Variants in GPC6 observed in about 807,000 individuals in gnomAD.
GPC6 encodes the protein glypican-6.
In GPC6, 14 loss-of-function variants were observed where a neutral mutation model predicts 55.2. That is an observed-to-expected ratio of 0.25 (90% confidence interval 0.17 to 0.40). The LOEUF is 0.40. Among genes scored for constraint, GPC6 ranks in the 10% least tolerant of loss-of-function variants. The pLI is 1.00. For missense variants in GPC6, 641 were observed against 708.5 expected (o/e 0.90, Z 1.08); for synonymous variants, 278 against 259.6 (o/e 1.07, Z -0.68).
chr13:93,332,823 A>G (rs1022166685), intron 1 of GPC6, among the ~76,000 whole-genome samples: 10 of 152,106 alleles, frequency 6.6e-5, no homozygotes, highest in African/African-American at 2.2e-4. Context: ...CGGTAGCTTC[A>G]TAGTTTCAGG....
intron 4 of GPC6, among the ~76,000 whole-genome samples, chr13:94,156,122 A>G (rs1416798635): frequency 6.6e-6 from 1 of 152,204 alleles, no homozygotes; most frequent in Non-Finnish European, 1.5e-5. Flanking sequence ...CATACTTCAG[A>G]AAAACGGGAT....
rs755567985 is a variant in GPC6 at position 93,966,413 on chromosome 13, A to G, written c.712-61316A>G. Reference sequence around the variant, plus strand: ...AGGGTAGACTTTTCTTTTGCTTCATATGGGCTACCAGACCTCTGCTTTTGA... The same window carrying G: ...AGGGTAGACTTTTCTTTTGCTTCATGTGGGCTACCAGACCTCTGCTTTTGA... On this transcript the variant is annotated intron_variant, in intron 3 of 8. Transcript: ENST00000377047. Among the ~76,000 whole-genome samples the G allele has an allele frequency of 5.9e-5, 9 of 152,278 alleles. No individual in the cohort carries two copies. The South Asian group carries it at 6.2e-4, about 11-fold the overall frequency.
intron 2 of GPC6, among the ~76,000 whole-genome samples, chr13:93,767,485 AG>A (rs1885159983): frequency 6.6e-6 from 1 of 152,200 alleles, no homozygotes; most frequent in South Asian, 2.1e-4. Flanking sequence ...AATCCTTATC[AG>A]TCAGAAAATT....
At chr13:94,275,310 G>T (rs1336310500) in intron 4 of GPC6, among the ~76,000 whole-genome samples, 1 of 152,160 alleles carries the variant, frequency 6.6e-6, no homozygotes, top group Non-Finnish European at 1.5e-5. Context: ...GAGTGACTAG[G>T]AGTTGTAGGG....
intron 1 of GPC6, among the ~76,000 whole-genome samples, chr13:93,357,750 G>A (rs142574546): frequency 1.3e-5 from 2 of 152,250 alleles, no homozygotes; most frequent in African/African-American, 4.8e-5. Context: ...CTGGAGGATC[G>A]CTTGAGTCCA....
chr13:94,185,258 GAAAAAAAAAA>G (rs759584811), intron 4 of GPC6, among the ~76,000 whole-genome samples: 1 of 56,500 alleles, frequency 1.8e-5, no homozygotes, highest in Non-Finnish European at 3.7e-5. Flanking sequence ...AATAAAAGTT[GAAAAAAAAAA>G]AAAAAAAGAA....
chr13:94,073,828 T>TAAC (rs1428645603), intron 4 of GPC6, among the ~76,000 whole-genome samples: 1 of 152,080 alleles, frequency 6.6e-6, no homozygotes, highest in Non-Finnish European at 1.5e-5. Context: ...TGTTTAACTT[T>TAAC]AACAACAACA....
intron 2 of GPC6, among the ~76,000 whole-genome samples, chr13:93,741,129 T>A (rs2138849287): frequency 7.0e-6 from 1 of 143,638 alleles, no homozygotes; most frequent in Admixed American, 7.0e-5. Flanking sequence ...TTTTTTTTTT[T>A]TTTTTTTTTT....
At chr13:93,513,875 G>GATT (rs1242143791) in intron 1 of GPC6, among the ~76,000 whole-genome samples, 1 of 92,818 alleles carries the variant, frequency 1.1e-5, no homozygotes, top group Admixed American at 1.2e-4. Flanking sequence ...CTGAATGATG[G>GATT]CTTTTTTTTT....
chr13:94,260,601 C>T (rs569439454), intron 4 of GPC6, among the ~76,000 whole-genome samples: 71 of 152,200 alleles, frequency 4.7e-4, no homozygotes, highest in African/African-American at 1.6e-3. Flanking sequence ...TTTAATCAGC[C>T]CTTTGAAGAC....
At chr13:93,669,489 G>A (rs1319630153) in intron 2 of GPC6, among the ~76,000 whole-genome samples, 1 of 152,180 alleles carries the variant, frequency 6.6e-6, no homozygotes, top group East Asian at 1.9e-4. Context: ...GTACCTCTGT[G>A]TACCAGACAC....
intron 6 of GPC6, among the ~76,000 whole-genome samples, chr13:94,381,562 C>T (rs906238922): frequency 5.3e-5 from 8 of 152,046 alleles, no homozygotes; most frequent in African/African-American, 1.9e-4. Flanking sequence ...CTGTCATGAC[C>T]CTATCTCAAA....
chr13:94,088,557 AAGGGC>A (rs1566388790), intron 4 of GPC6, among the ~76,000 whole-genome samples: 1 of 36,776 alleles, frequency 2.7e-5, no homozygotes, highest in Non-Finnish European at 6.3e-5. Context: ...AAGGGAAGGG[AAGGGC>A]AGGGGAGGGG....
intron 1 of GPC6, among the ~76,000 whole-genome samples, chr13:93,541,265 A>T (rs568917196): frequency 2.7e-5 from 4 of 145,860 alleles, no homozygotes; most frequent in African/African-American, 1.0e-4. Context: ...TATGAGTGAG[A>T]ATATGCGGCA....
intron 1 of GPC6, among the ~76,000 whole-genome samples, chr13:93,502,316 G>C (rs11619603): frequency 0.45 from 67,619 of 151,706 alleles, 16,310 homozygotes; most frequent in Middle Eastern, 0.59. Flanking sequence ...GAGAGAGAGA[G>C]AAATTTCACT....
chr13:93,516,673 T>C (rs1379985282), intron 1 of GPC6, among the ~76,000 whole-genome samples: 1 of 152,176 alleles, frequency 6.6e-6, no homozygotes, highest in African/African-American at 2.4e-5. Flanking sequence ...ATCCTATCTA[T>C]GCACAAAGCA....
intron 3 of GPC6, among the ~76,000 whole-genome samples, chr13:93,915,700 G>A (rs1877252845): frequency 1.3e-5 from 2 of 152,102 alleles, no homozygotes; most frequent in Admixed American, 1.3e-4. Flanking sequence ...TGTTTTGTCT[G>A]TTGGAAATCT....
At chr13:93,781,276 GAAA>G (rs10714640) in intron 2 of GPC6, among the ~76,000 whole-genome samples, 2 of 136,234 alleles carry the variant, frequency 1.5e-5, no homozygotes, top group Non-Finnish European at 1.6e-5. Context: ...CTCCATCTCC[GAAA>G]AAAAAAAAAA....
chr13:94,283,575 C>A (rs1244244038), intron 4 of GPC6, among the ~76,000 whole-genome samples: 1 of 152,252 alleles, frequency 6.6e-6, no homozygotes, highest in African/African-American at 2.4e-5. Flanking sequence ...CAACCCTGTA[C>A]TAACACAGAG....
Sources: allele counts gnomAD v4.1 joint callset (sites outside exome capture counted in the v4.1 genomes callset), GRCh38; gene constraint gnomAD v4.1.1; transcripts MANE v1.5; gene names NCBI Gene and HGNC (gene_info 2026-07-23, HGNC 2026-07-21).